DLGAP2: variants seen among roughly 807,000 people sequenced by gnomAD.
DLGAP2 encodes the protein disks large-associated protein 2.
DLGAP2 carries 26 observed loss-of-function variants against 100.3 expected under a neutral mutation model. The ratio of observed to expected loss-of-function variants is 0.26; its 90% CI spans 0.19 to 0.36. The LOEUF (loss-of-function observed/expected upper bound fraction) is 0.36. Ranked by LOEUF, DLGAP2 falls within the 10% of genes least tolerant of loss-of-function variation. The pLI, the probability that DLGAP2 is intolerant of heterozygous loss-of-function variation, is 1.00. For missense variants in DLGAP2, 1,858 were observed against 1,453.2 expected (o/e 1.28, Z -4.53); for synonymous variants, 886 against 630.1 (o/e 1.41, Z -6.08).
At chr8:1,266,626 C>G (rs965138777) in intron 3 of DLGAP2, among the ~76,000 whole-genome samples, 1 of 152,178 alleles carries the variant, frequency 6.6e-6, no homozygotes, top group Non-Finnish European at 1.5e-5. Context: ...GAAATATGCA[C>G]CCTCTGTTCT....
chr8:1,286,272 C>T (rs1285590617), intron 3 of DLGAP2, among the ~76,000 whole-genome samples: 2 of 152,224 alleles, frequency 1.3e-5, no homozygotes, highest in Non-Finnish European at 2.9e-5. Flanking sequence ...TTTCCTGAGG[C>T]CTCCTCAGCC....
chr8:1,371,710 T>C (rs894351751), intron 3 of DLGAP2, among the ~76,000 whole-genome samples: 2 of 152,202 alleles, frequency 1.3e-5, no homozygotes, highest in Non-Finnish European at 2.9e-5. Context: ...GCTGGAAGAA[T>C]AGAATTGTGG....
At chr8:837,756 G>A (rs1796906683) in intron 1 of DLGAP2, among the ~76,000 whole-genome samples, 2 of 150,070 alleles carry the variant, frequency 1.3e-5, no homozygotes, top group African/African-American at 4.9e-5. Flanking sequence ...TCACTCTGTT[G>A]CCCAGGCTGG....
At position 1,524,314 on chromosome 8, in the gene DLGAP2, C is replaced by T. The variant is rs559599174; in HGVS notation, c.172+22883C>T. ...TTGTCTCTTTAGGGGACAACACAGACCCTCACCGGTGCTGACTGGGAGGAA... is the reference window on the plus strand; with the variant it reads ...TTGTCTCTTTAGGGGACAACACAGATCCTCACCGGTGCTGACTGGGAGGAA... On this transcript the variant is annotated intron_variant, in intron 4 of 14. Coordinates refer to ENST00000637795, the MANE Select transcript of DLGAP2 (RefSeq NM_001346810.2). 3.3e-5 allele frequency among the ~76,000 whole-genome samples: 5 copies of T among 152,266 alleles called. No homozygotes were observed. In the East Asian group the frequency reaches 9.7e-4, roughly 30 times the overall value.
At chr8:1,150,239 C>G (rs1404667024) in intron 2 of DLGAP2, among the ~76,000 whole-genome samples, 3 of 152,186 alleles carry the variant, frequency 2.0e-5, no homozygotes, top group African/African-American at 7.2e-5. Flanking sequence ...GATGTTTTCT[C>G]AGCTCTAGAA....
At chr8:1,276,665 C>G (rs1799704601) in intron 3 of DLGAP2, among the ~76,000 whole-genome samples, 1 of 151,168 alleles carries the variant, frequency 6.6e-6, no homozygotes, top group Admixed American at 6.8e-5. Flanking sequence ...CCAGACTCCT[C>G]TAGAAAGTCT....
At chr8:1,136,317 C>T (rs941269402) in intron 2 of DLGAP2, among the ~76,000 whole-genome samples, 2 of 152,160 alleles carry the variant, frequency 1.3e-5, no homozygotes, top group African/African-American at 4.8e-5. Flanking sequence ...AAACTCCCCT[C>T]CCATCAGCCA....
In DLGAP2 at chr8:1,090,568, T is replaced by C. The variant is rs1804145770; in HGVS notation, c.74-168283T>C. ...GGGAGGTTTGAGAATCCACAGGGGG[T>C]TTGTCCTGTGGGGAGAGTGGCAGCC... On this transcript the variant is annotated intron_variant, in intron 2 of 14. Transcript: ENST00000637795. Among the ~76,000 whole-genome samples, 2 of 152,066 alleles carry C rather than the reference T, an allele frequency of 1.3e-5. 1 individual carries two copies. Among genetic ancestry groups the C allele is most frequent in the Non-Finnish European group, 2.9e-5 (2 of 67,950 alleles).
chr8:1,623,717 G>A (rs1404899133), intron 6 of DLGAP2, among the ~76,000 whole-genome samples: 15 of 152,260 alleles, frequency 9.9e-5, no homozygotes, highest in South Asian at 4.1e-4. Context: ...AGCAATGTGC[G>A]TCTGATGCTG....
intron 5 of DLGAP2, among the ~76,000 whole-genome samples, chr8:1,552,648 A>T (rs933625655): frequency 1.3e-5 from 2 of 152,260 alleles, no homozygotes; most frequent in Non-Finnish European, 2.9e-5. Flanking sequence ...GGGAAACTAA[A>T]GGAATTTGTC....
intron 1 of DLGAP2, among the ~76,000 whole-genome samples, chr8:787,550 G>A (rs1821904736): frequency 6.6e-6 from 1 of 152,214 alleles, no homozygotes; most frequent in Non-Finnish European, 1.5e-5. Context: ...GGCCCATGCT[G>A]CTCTGTCTCC....
chr8:1,105,532 G>C (rs908004246), intron 2 of DLGAP2, among the ~76,000 whole-genome samples: 47 of 152,248 alleles, frequency 3.1e-4, no homozygotes, highest in Middle Eastern at 3.4e-3. Context: ...GTGCCTGAGT[G>C]ACAAGGTAGG....
At chr8:1,430,007 C>CATATATATATATAT (rs60682299) in intron 3 of DLGAP2, among the ~76,000 whole-genome samples, 17 of 54,372 alleles carry the variant, frequency 3.1e-4, no homozygotes, top group East Asian at 5.2e-4. Context: ...CATATATATA[C>CATATATATATATAT]ATATATATAT....
At chr8:848,872 T>C (rs1286046283) in intron 1 of DLGAP2, among the ~76,000 whole-genome samples, 1 of 150,074 alleles carries the variant, frequency 6.7e-6, no homozygotes, top group African/African-American at 2.5e-5. Flanking sequence ...GATCGCGCGG[T>C]GTCTGTTCCA....
At chr8:1,351,254 G>A (rs1801716136) in intron 3 of DLGAP2, among the ~76,000 whole-genome samples, 1 of 94,670 alleles carries the variant, frequency 1.1e-5, no homozygotes, top group South Asian at 4.4e-4. Flanking sequence ...CTGACTGTGT[G>A]TGGAACGGCC....
chr8:783,283 C>G (rs1161647617), intron 1 of DLGAP2, among the ~76,000 whole-genome samples: 1 of 152,170 alleles, frequency 6.6e-6, no homozygotes, highest in Non-Finnish European at 1.5e-5. Context: ...ACTCTGTTCC[C>G]TTGGAAACTT....
At chr8:1,082,694 A>G (rs1469609994) in intron 2 of DLGAP2, among the ~76,000 whole-genome samples, 1 of 152,224 alleles carries the variant, frequency 6.6e-6, no homozygotes, top group Non-Finnish European at 1.5e-5. Context: ...AGAGGTATTC[A>G]TCACACAGGA....
At chr8:1,175,960 A>T (rs1797243742) in intron 2 of DLGAP2, among the ~76,000 whole-genome samples, 3 of 152,230 alleles carry the variant, frequency 2.0e-5, no homozygotes. Context: ...CGATTCGCAG[A>T]TGTGGGAGCT....
intron 6 of DLGAP2, among the ~76,000 whole-genome samples, chr8:1,587,861 A>G (rs1273853522): frequency 6.6e-6 from 1 of 152,170 alleles, no homozygotes; most frequent in African/African-American, 2.4e-5. Context: ...AATTATATGA[A>G]GTCTTAACTT....
Sources: gnomAD v4.1 joint callset for allele counts (sites outside exome capture counted in the v4.1 genomes callset) on GRCh38, gnomAD v4.1.1 for gene constraint, MANE v1.5 for transcripts, NCBI Gene and HGNC (gene_info 2026-07-23, HGNC 2026-07-21) for gene names.